SMARCC1: variants seen among roughly 807,000 people sequenced by gnomAD.
SMARCC1 encodes SWI/SNF complex subunit SMARCC1.
SMARCC1 carries 43 observed loss-of-function variants against 147.4 expected under a neutral mutation model. That is an observed-to-expected ratio of 0.29 (90% confidence interval 0.23 to 0.38). The LOEUF (loss-of-function observed/expected upper bound fraction) is 0.38. Among genes scored for constraint, SMARCC1 ranks in the 10% least tolerant of loss-of-function variants. The pLI, the probability that SMARCC1 is intolerant of heterozygous loss-of-function variation, is 1.00. For missense variants in SMARCC1, 1,119 were observed against 1,381.1 expected (o/e 0.81, Z 3.01); for synonymous variants, 495 against 484.4 (o/e 1.02, Z -0.29).
At chr3:47,710,897 T>G in intron 8 of SMARCC1, 89 bp from the exon 9 acceptor site, 1 of 1,048,270 alleles carries the variant, frequency 9.5e-7, no homozygotes, top group Non-Finnish European at 1.4e-6. Context: ...GCTGATTTAT[T>G]TTCAAAGCCT....
chr3:47,685,916 A>T, intron 14 of SMARCC1, 133 bp downstream of exon 14: 1 of 661,662 alleles, frequency 1.5e-6, no homozygotes, highest in Non-Finnish European at 2.6e-6. Flanking sequence ...GATAAAAATC[A>T]CTCTCCATCT....
chr3:47,712,210 C>T (rs1211451432), intron 8 of SMARCC1, among the ~76,000 whole-genome samples: 2 of 151,816 alleles, frequency 1.3e-5, no homozygotes, highest in Non-Finnish European at 2.9e-5. Flanking sequence ...CCAGCCTGGG[C>T]AACAAGAATG....
intron 6 of SMARCC1, among the ~76,000 whole-genome samples, chr3:47,723,389 C>G (rs1255771819): frequency 9.1e-6 from 1 of 109,792 alleles, no homozygotes; most frequent in African/African-American, 3.6e-5. Context: ...GAGACAGAGT[C>G]TCACTCTGTT....
chr3:47,737,956 C>T, intron 4 of SMARCC1, 73 bp downstream of exon 4: 1 of 1,106,902 alleles, frequency 9.0e-7, no homozygotes, highest in South Asian at 1.5e-5. Context: ...AGCCACCGCG[C>T]CTGGCCAGCC....
At chr3:47,682,600 G>A (rs781288346) in intron 14 of SMARCC1, among the ~76,000 whole-genome samples, 21 of 152,152 alleles carry the variant, frequency 1.4e-4, no homozygotes, top group Non-Finnish European at 2.5e-4. Flanking sequence ...TTTCTCATGT[G>A]TGTCCTCTTA....
chr3:47,689,422 C>A lies in SMARCC1; in HGVS notation c.1228G>T (p.Glu410Ter). ...GCTGTGACTGTTTCTTCATCCTGCT[C>A]ATCTGCAAAACCAAAACACACAATT... ...VKGGTVADLD[E>*]QDEETVTAGG... is the part of the protein sequence containing the mutation. Residue 410 changes from glutamate (E) to a stop codon, truncating the protein, a stop_gained and splice_region_variant, in exon 13 of 28, where the codon GAG becomes TAG. Transcript: ENST00000254480. LOFTEE classifies it high-confidence loss of function. 1 of 1,613,086 alleles carries A rather than the reference C, an allele frequency of 6.2e-7. No homozygotes were observed. Among genetic ancestry groups the A allele is most frequent in the South Asian group, 1.1e-5 (1 of 91,042 alleles).
chr3:47,656,898 C>A (rs929431819), intron 21 of SMARCC1, among the ~76,000 whole-genome samples: 3 of 152,036 alleles, frequency 2.0e-5, no homozygotes, highest in Non-Finnish European at 2.9e-5. Context: ...CTAGCCTGGG[C>A]AACAGAGTCA....
At chr3:47,734,252 A>G (rs2106827220) in intron 5 of SMARCC1, among the ~76,000 whole-genome samples, 3 of 152,260 alleles carry the variant, frequency 2.0e-5, no homozygotes, top group Middle Eastern at 3.4e-3. Flanking sequence ...TCCAAAAGAG[A>G]GATGTTTAAG....
At chr3:47,755,989 T>TAAAA (rs34001771) in intron 2 of SMARCC1, among the ~76,000 whole-genome samples, 7 of 22,910 alleles carry the variant, frequency 3.1e-4, no homozygotes, top group Non-Finnish European at 3.7e-4. Context: ...GGCTTCATCT[T>TAAAA]AAAAAAAAAA....
chr3:47,602,498 A>G (rs927500202), intron 26 of SMARCC1, among the ~76,000 whole-genome samples: 3 of 152,052 alleles, frequency 2.0e-5, no homozygotes, highest in African/African-American at 7.2e-5. Context: ...GGGTTTCACC[A>G]TGTTGCCCAG....
At chr3:47,652,972 C>G (rs1276384747) in intron 21 of SMARCC1, among the ~76,000 whole-genome samples, 1 of 122,868 alleles carries the variant, frequency 8.1e-6, no homozygotes, top group Non-Finnish European at 1.6e-5. Context: ...TTTTTTGAGA[C>G]GGAGTCTCGC....
intron 21 of SMARCC1, among the ~76,000 whole-genome samples, chr3:47,643,366 A>T (rs1028444295): frequency 2.0e-5 from 3 of 152,222 alleles, no homozygotes; most frequent in Non-Finnish European, 2.9e-5. Context: ...TGTAACACAG[A>T]AACCACTGGA....
chr3:47,727,307 GAC>G (rs1302777115), intron 6 of SMARCC1, among the ~76,000 whole-genome samples: 1 of 151,906 alleles, frequency 6.6e-6, no homozygotes, highest in Non-Finnish European at 1.5e-5. Flanking sequence ...AGGAGTTCGA[GAC>G]CAACCTGGCC....
At chr3:47,664,931 T>C (rs1365882955) in intron 19 of SMARCC1, among the ~76,000 whole-genome samples, 9 of 152,244 alleles carry the variant, frequency 5.9e-5, no homozygotes, top group Admixed American at 5.9e-4. Context: ...CACTGTGAGA[T>C]TGAGCTTTCT....
rs2108219467 is a variant in SMARCC1, at chr3:47,585,485, T to C, written c.*2724A>G. 6.6e-6 allele frequency: 1 copy of C among 152,332 alleles called. No homozygotes were observed. The allele number at this position is 152,332 out of a possible 1,614,324, so 9.4% of individuals were successfully genotyped here. The stretch of plus-strand genomic sequence containing the variant: ...CTGAAAACAATCACTTCTTTTTTTC[T>C]GCACAGGGTTTATATCTGTGAGTAC... On this transcript the variant is annotated 3_prime_UTR_variant, in exon 28 of 28. Transcript: ENST00000254480.
At chr3:47,663,571 C>T (rs1576403539) in intron 19 of SMARCC1, 1 of 1,306,520 alleles carries the variant, frequency 7.7e-7, no homozygotes, top group East Asian at 2.3e-5. Flanking sequence ...CACAGCAAGA[C>T]CCTGTCTTAG....
intron 26 of SMARCC1, among the ~76,000 whole-genome samples, chr3:47,608,729 G>A (rs1224400617): frequency 2.6e-5 from 4 of 151,824 alleles, no homozygotes; most frequent in African/African-American, 9.7e-5. Context: ...TGCACCTGTA[G>A]TCACAGCTAC....
At position 47,636,088 on chromosome 3, in the gene SMARCC1, C is replaced by T; in HGVS notation, c.2425G>A (p.Asp809Asn). The T allele has an allele frequency of 1.2e-6, 2 of 1,610,330 alleles. No homozygotes were observed. Among genetic ancestry groups the T allele is most frequent in the Non-Finnish European group, 1.7e-6 (2 of 1,177,294 alleles). The stretch of plus-strand genomic sequence containing the variant: ...TCACTATTTTTTTCATTTTCTCCAT[C>T]TTGTGCTTTATCACCTTCATCCGTT... ...NETDEGDKAQ[D>N]GENEKNSEKE... The change falls in exon 23 of 28, where the codon GAT becomes AAT. Residue 809 changes from aspartate to asparagine, a missense_variant. Asp to Asn is a conservative substitution (Grantham distance 23, BLOSUM62 1). Transcript: ENST00000254480.
rs956070481 is a variant in SMARCC1 at position 47,590,556 on chromosome 3, C to T, written c.3220+105G>A. The T allele has an allele frequency of 5.6e-5, 55 of 988,090 alleles. No individual in the cohort carries two copies. In the African/African-American group the frequency reaches 8.8e-4, roughly 16 times the overall value. The allele number at this position is 988,090 out of a possible 1,614,324, so 61.2% of individuals were successfully genotyped here. A position where few individuals can be genotyped will look rare whatever the true frequency, so the allele number is the denominator to read the frequency against. On this transcript the variant is annotated intron_variant, in intron 27 of 27. Coordinates refer to ENST00000254480, the MANE Select transcript of SMARCC1 (RefSeq NM_003074.4). ...AAGCCACTGTCACAGACTGCATCATCCATGGACCTGCCAAATCTCGGGGAG... is the reference window on the plus strand; with the variant it reads ...AAGCCACTGTCACAGACTGCATCATTCATGGACCTGCCAAATCTCGGGGAG...
Sources: allele counts gnomAD v4.1 joint callset (sites outside exome capture counted in the v4.1 genomes callset), GRCh38; gene constraint gnomAD v4.1.1; transcripts MANE v1.5; gene names NCBI Gene and HGNC (gene_info 2026-07-23, HGNC 2026-07-21).